KBTBD3: variants seen among roughly 807,000 people sequenced by gnomAD.
KBTBD3 encodes the protein kelch repeat and BTB domain containing 3.
In KBTBD3, 38 loss-of-function variants were observed where a neutral mutation model predicts 49.6. The observed-to-expected ratio is 0.77, with a 90% confidence interval of 0.59 to 1.00. The LOEUF is 1.00. Ranked by LOEUF, KBTBD3 falls within the 50% of genes least tolerant of loss-of-function variation. The probability of loss-of-function intolerance (pLI) is 0.00; values close to 1 mark genes in which losing one functional copy is unlikely to be tolerated. For missense variants in KBTBD3, 661 were observed against 712.0 expected, an observed-to-expected ratio of 0.93 and a Z score of 0.81; for synonymous variants, 214 against 250.4, an observed-to-expected ratio of 0.85 and a Z score of 1.37.
In KBTBD3 at chr11:106,053,024, T is replaced by C. The variant is rs1860454939; in HGVS notation, c.1665A>G (p.Ile555Met). The change falls in exon 4 of 4, where the codon ATA (isoleucine) becomes ATG (methionine). Residue 555 changes from isoleucine (I) to methionine (M), a missense_variant. Ile to Met is a conservative substitution (Grantham distance 10, BLOSUM62 1). Transcript: ENST00000531837. ...GAIGIEDKIY[I>M]LGGDYAPDEI... ...CATCTGGTGCATAATCACCACCTAA[T>C]ATATAAATTTTATCTTCAATTCCAA... 1 of 1,613,662 alleles carries C rather than the reference T, an allele frequency of 6.2e-7. No homozygotes were observed.
intron 2 of KBTBD3, 144 bp from the exon 3 acceptor site, chr11:106,059,253 T>A: frequency 1.8e-6 from 1 of 555,028 alleles, no homozygotes; most frequent in Non-Finnish European, 3.1e-6. Context: ...ACATTTGTTT[T>A]CCTGACATTT....
chr11:106,058,882 T>G lies in KBTBD3; in HGVS notation c.216A>C (p.Ala72=). The change falls in exon 3 of 4, where the codon GCA becomes GCC. Residue 72 remains alanine, a synonymous_variant. Coordinates refer to ENST00000531837, the MANE Select transcript of KBTBD3 (RefSeq NM_198439.3). The stretch of plus-strand genomic sequence containing the variant: ...TAAAGTACCTGAAAAAGTCACTGCA[T>G]GCTGCTAACACACAACGATGACACG... The part of the protein sequence containing the change: ...IIPCHRCVLA[A]CSDFFRAMFE... 1 of 1,570,808 alleles carries G rather than the reference T, an allele frequency of 6.4e-7. No individual in the cohort carries two copies. The highest frequency in any genetic ancestry group is 8.6e-7 in the Non-Finnish European group (1 of 1,164,052).
chr11:106,058,527 G>A lies in KBTBD3; in HGVS notation c.233+338C>T, dbSNP rs78723412. Among the ~76,000 whole-genome samples the A allele has an allele frequency of 2.0e-5, 3 of 152,014 alleles. No homozygotes were observed. The South Asian group carries it at 6.2e-4, about 32-fold the overall frequency. ...CAACCTCAGCCTCCTGGGTTCAAGC[G>A]ATTCTTGTGCCTCAGCCTCCTGTAT... is the stretch of plus-strand genomic sequence containing the variant. On this transcript the variant is annotated intron_variant, in intron 3 of 3. Transcript: ENST00000531837.
At chr11:106,057,225 G>A (rs1180750280) in intron 3 of KBTBD3, among the ~76,000 whole-genome samples, 1 of 152,246 alleles carries the variant, frequency 6.6e-6, no homozygotes, top group South Asian at 2.1e-4. Flanking sequence ...CAATAAGGAT[G>A]AGATCTAATT....
At position 106,075,078 on chromosome 11, in the gene KBTBD3, A is replaced by G. The variant is rs112700776; in HGVS notation, c.-13+1429T>C. 3.9e-5 allele frequency among the ~76,000 whole-genome samples: 6 copies of G among 152,274 alleles called. No homozygotes were observed. The South Asian group carries it at 8.3e-4, about 21-fold the overall frequency. On this transcript the variant is annotated intron_variant, in intron 2 of 3. Transcript: ENST00000531837. ...TCACACATAGGATCCTGTGTGACCA[A>G]TGTCACACAGACAATTGGTGGTAGA...
intron 3 of KBTBD3, among the ~76,000 whole-genome samples, chr11:106,058,355 T>C (rs1246791125): frequency 6.7e-6 from 1 of 149,682 alleles, no homozygotes; most frequent in Non-Finnish European, 1.5e-5. Context: ...CACTCCAGCC[T>C]GGGCGACAGA....
rs2134992156 is a variant in KBTBD3, at chr11:106,053,428, G to A, written c.1261C>T (p.Leu421Phe). 1 of 1,613,496 alleles carries A rather than the reference G, an allele frequency of 6.2e-7. No homozygotes were observed. Among genetic ancestry groups the A allele is most frequent in the Non-Finnish European group, 8.5e-7 (1 of 1,179,762 alleles). Residue 421 changes from leucine to phenylalanine, a missense_variant, in exon 4 of 4, where the codon CTC becomes TTC. Coordinates refer to ENST00000531837, the MANE Select transcript of KBTBD3 (RefSeq NM_198439.3). Reference sequence around the variant, plus strand: ...GGATTGTAAGATTCAACATCTAAGAGACTTTTAATGTCCCGGGATCCTCTA... The same window carrying A: ...GGATTGTAAGATTCAACATCTAAGAAACTTTTAATGTCCCGGGATCCTCTA... ...KTRGSRDIKS[L>F]LDVESYNPLS...
At chr11:106,069,831 G>A (rs1161307509) in intron 2 of KBTBD3, among the ~76,000 whole-genome samples, 1 of 151,796 alleles carries the variant, frequency 6.6e-6, no homozygotes, top group Non-Finnish European at 1.5e-5. Flanking sequence ...TAATAATGAG[G>A]GAAGTATCAG....
At chr11:106,060,033 C>G (rs1860653122) in intron 2 of KBTBD3, among the ~76,000 whole-genome samples, 1 of 152,170 alleles carries the variant, frequency 6.6e-6, no homozygotes, top group Non-Finnish European at 1.5e-5. Context: ...CAAATGGCAG[C>G]TGTGGCTGAA....
At chr11:106,072,154 T>G (rs1265754212) in intron 2 of KBTBD3, among the ~76,000 whole-genome samples, 1 of 152,144 alleles carries the variant, frequency 6.6e-6, no homozygotes, top group Non-Finnish European at 1.5e-5. Context: ...GAAGAAAACC[T>G]TGGAGATAAT....
At position 106,052,966 on chromosome 11, in the gene KBTBD3, T is replaced by C; in HGVS notation, c.1723A>G (p.Asn575Asp). The change falls in exon 4 of 4, where the codon AAC (asparagine) becomes GAC (aspartate). Residue 575 changes from asparagine (N) to aspartate (D), a missense_variant. Asn to Asp is a conservative substitution (Grantham distance 23). Coordinates refer to ENST00000531837, the MANE Select transcript of KBTBD3 (RefSeq NM_198439.3). Reference sequence around the variant, plus strand: ...GAAACTTCTTCCCATTCAGACCTGTTGCTGTGGTAGACCTGCACTTCATCT... The same window carrying C: ...GAAACTTCTTCCCATTCAGACCTGTCGCTGTGGTAGACCTGCACTTCATCT... The part of the protein sequence containing the change: ...ITDEVQVYHS[N>D]RSEWEEVSPM... 1.2e-6 allele frequency: 2 copies of C among 1,613,820 alleles called. No homozygotes were observed. The highest frequency in any genetic ancestry group is 1.7e-6 in the Non-Finnish European group (2 of 1,179,776).
In KBTBD3 at chr11:106,053,583, GCAT is replaced by G; in HGVS notation, c.1103_1105del (p.Asp368del). The G allele has an allele frequency of 6.2e-7, 1 of 1,613,776 alleles. No homozygotes were observed. The highest frequency in any genetic ancestry group is 8.5e-7 in the Non-Finnish European group (1 of 1,179,876). ...ACAGTAGCACCAGGTTTGATCAGTG[GCAT>G]CATGATATGACTCGGCAATATGCAG... On this transcript the variant is annotated inframe_deletion, in exon 4 of 4. Coordinates refer to ENST00000531837, the MANE Select transcript of KBTBD3 (RefSeq NM_198439.3).
intron 2 of KBTBD3, among the ~76,000 whole-genome samples, chr11:106,072,495 A>G (rs945942364): frequency 1.3e-5 from 2 of 152,176 alleles, no homozygotes; most frequent in Non-Finnish European, 2.9e-5. Flanking sequence ...CCCAGCTTCA[A>G]TGAAACACCT....
At position 106,074,121 on chromosome 11, in the gene KBTBD3, C is replaced by CCA. The variant is rs1555076700; in HGVS notation, c.-13+2385_-13+2386insTG. On this transcript the variant is annotated intron_variant, in intron 2 of 3. Coordinates refer to ENST00000531837, the MANE Select transcript of KBTBD3 (RefSeq NM_198439.3). ...CTTTAGAATGCCGAACACCCCCCCC[C>CCA]ACACACATACCCCTTCCTTCTCATA... Among the ~76,000 whole-genome samples, 106 of 148,842 alleles carry CCA rather than the reference C, an allele frequency of 7.1e-4. 3 individuals are homozygous for CCA. The East Asian group carries it at 8.8e-3, about 12-fold the overall frequency.
At chr11:106,073,312 A>C (rs1344045723) in intron 2 of KBTBD3, among the ~76,000 whole-genome samples, 1 of 141,548 alleles carries the variant, frequency 7.1e-6, no homozygotes, top group Non-Finnish European at 1.5e-5. Flanking sequence ...ATGTTACCCA[A>C]GTTGGTCTCA....
Position 106,053,564 on chromosome 11 carries a change from G to A in KBTBD3, c.1125C>T (p.Cys375=). Residue 375 remains cysteine (C), a synonymous_variant, in exon 4 of 4, where the codon TGC becomes TGT. Transcript: ENST00000531837. ...SYHDATDQTW[C]YCPVKNDFFL... ...AGAAATCATTTTTCACTGGACAGTA[G>A]CACCAGGTTTGATCAGTGGCATCAT... 6.2e-7 allele frequency: 1 copy of A among 1,613,796 alleles called. No homozygotes were observed. Among genetic ancestry groups the A allele is most frequent in the African/African-American group, 1.3e-5 (1 of 75,002 alleles).
intron 2 of KBTBD3, among the ~76,000 whole-genome samples, chr11:106,072,549 C>T (rs963134306): frequency 2.0e-5 from 3 of 151,886 alleles, no homozygotes; most frequent in African/African-American, 7.3e-5. Context: ...GATTGTTATT[C>T]TTTTTTTTAA....
intron 2 of KBTBD3, among the ~76,000 whole-genome samples, chr11:106,074,541 G>T (rs1860991775): frequency 6.6e-6 from 1 of 152,038 alleles, no homozygotes; most frequent in Non-Finnish European, 1.5e-5. Context: ...CATTCTTCAG[G>T]TTTCCTACCT....
intron 2 of KBTBD3, among the ~76,000 whole-genome samples, chr11:106,067,731 A>C (rs1230945737): frequency 6.6e-6 from 1 of 152,208 alleles, no homozygotes; most frequent in Non-Finnish European, 1.5e-5. Flanking sequence ...CAGAAATAAA[A>C]ACAGAATAAA....
Sources: gnomAD v4.1 joint callset for allele counts (sites outside exome capture counted in the v4.1 genomes callset) on GRCh38, gnomAD v4.1.1 for gene constraint, MANE v1.5 for transcripts, NCBI Gene and HGNC (gene_info 2026-07-23, HGNC 2026-07-21) for gene names.